CIB1: variants seen among roughly 807,000 people sequenced by gnomAD.
CIB1 encodes calcium and integrin-binding protein 1.
Under a neutral mutation model 25.0 loss-of-function variants are expected in CIB1, and 19 were observed. The ratio of observed to expected loss-of-function variants is 0.76; its 90% CI spans 0.53 to 1.12. The LOEUF is 1.12. Among genes scored for constraint, CIB1 ranks in the 50% most tolerant of loss-of-function variants. The pLI is 0.00. For missense variants in CIB1, 236 were observed against 242.6 expected (o/e 0.97, Z 0.18); for synonymous variants, 104 against 98.5 (o/e 1.06, Z -0.33).
Position 90,232,136 on chromosome 15 carries a change from C to G in CIB1, c.195+83G>C. On this transcript the variant is annotated intron_variant, in intron 3 of 6. Transcript: ENST00000328649. The stretch of plus-strand genomic sequence containing the variant: ...AGTGGGGACCAGTGACCCCATGATC[C>G]CAAAGCTAGTGGCAGATGGAGTTAG... 3 of 1,123,876 alleles carry G rather than the reference C, an allele frequency of 2.7e-6. No individual in the cohort carries two copies. In the South Asian group the frequency reaches 4.5e-5, roughly 17 times the overall value. The allele number at this position is 1,123,876 out of a possible 1,614,324, so 69.6% of individuals were successfully genotyped here.
At chr15:90,257,436 G>T in the CIB1 span, among the ~76,000 whole-genome samples, 24 of 152,180 alleles carry the variant, frequency 1.6e-4, no homozygotes, top group African/African-American at 5.8e-4. Flanking sequence ...TGTTTGGTAG[G>T]TGGTGAAGGA....
At chr15:90,249,947 T>TTTTTTTTTTTA in the CIB1 span, 1 of 147,664 alleles carries the variant, frequency 6.8e-6, no homozygotes, top group Admixed American at 6.8e-5. Context: ...CTGTATTTTA[T>TTTTTTTTTTTA]TTTATTTATT....
chr15:90,232,528 A>G, intron 2 of CIB1: 1 of 683,398 alleles, frequency 1.5e-6, no homozygotes, highest in Non-Finnish European at 2.2e-6. Context: ...TGCAATGAGT[A>G]TTTACTGAGC....
At chr15:90,239,664 C>T in the CIB1 span, among the ~76,000 whole-genome samples, 2 of 152,142 alleles carry the variant, frequency 1.3e-5, no homozygotes, top group African/African-American at 4.8e-5. Flanking sequence ...TTATAGGAAC[C>T]ACAAGATGAA....
At chr15:90,242,130 C>G in the CIB1 span, 1 of 1,336,818 alleles carries the variant, frequency 7.5e-7, no homozygotes. Context: ...ACTCTGTCCC[C>G]AGGCTAGAGT....
At chr15:90,256,581 CTTTCTTTCTTTCTTTCTTTCTTTCT>C in the CIB1 span, among the ~76,000 whole-genome samples, 1,104 of 35,672 alleles carry the variant, frequency 0.031, 25 homozygotes, top group South Asian at 0.098. Context: ...TTCTTTCTTT[CTTTCTTTCTTTCTTTCTTTCTTTCT>C]TTCCTTCCTT....
the CIB1 span, chr15:90,263,290 G>A: frequency 1.4e-6 from 1 of 708,504 alleles, no homozygotes; most frequent in Non-Finnish European, 2.3e-6. Context: ...CTGGACCTTG[G>A]GAGAGGGTCT....
chr15:90,230,538 G>C (rs1331485193), intron 6 of CIB1, 33 bp from the exon 7 acceptor site: 1 of 1,551,294 alleles, frequency 6.4e-7, no homozygotes, highest in Non-Finnish European at 8.7e-7. Context: ...GTTTTCTGCT[G>C]GAAGAGGAGG....
At chr15:90,240,807 C>T in the CIB1 span, 1 of 783,560 alleles carries the variant, frequency 1.3e-6, no homozygotes. Context: ...GAGTGAGACT[C>T]CATCTCAAAA....
the CIB1 span, chr15:90,253,344 G>T: frequency 1.2e-6 from 2 of 1,613,202 alleles, no homozygotes; most frequent in East Asian, 4.5e-5. Flanking sequence ...ACTGGAACGA[G>T]TCATGGACAT....
Position 90,230,981 on chromosome 15 carries a change from G to T in CIB1, c.507C>A (p.Asn169Lys), listed in dbSNP as rs1962466963. 3.7e-6 allele frequency: 6 copies of T among 1,614,026 alleles called. No individual in the cohort carries two copies. Among genetic ancestry groups the T allele is most frequent in the Non-Finnish European group, 5.1e-6 (6 of 1,180,022 alleles). ...ESDIDRDGTI[N>K]LSEFQHVISR... is the part of the protein sequence containing the mutation. The stretch of plus-strand genomic sequence containing the variant: ...AGATGACGTGCTGGAACTCAGAGAG[G>T]TTGATGGTTCCATCCCTGTCAATGT... The change falls in exon 6 of 7, where the codon AAC becomes AAA. Residue 169 changes from asparagine to lysine, a missense_variant. Coordinates refer to ENST00000328649, the MANE Select transcript of CIB1 (RefSeq NM_006384.4).
the CIB1 span, chr15:90,263,685 A>G: frequency 4.9e-6 from 3 of 615,712 alleles, no homozygotes; most frequent in South Asian, 1.9e-5. Flanking sequence ...CCTTCTTCCA[A>G]CGCTCCATCC....
the CIB1 span, chr15:90,249,947 T>TTTTTTTTATTTATTTATTTA: frequency 1.4e-4 from 21 of 147,664 alleles, no homozygotes; most frequent in East Asian, 1.6e-3. Flanking sequence ...CTGTATTTTA[T>TTTTTTTTATTTATTTATTTA]TTTATTTATT....
At chr15:90,231,590 G>T in intron 3 of CIB1, 83 bp from the exon 4 acceptor site, 1 of 1,513,210 alleles carries the variant, frequency 6.6e-7, no homozygotes, top group Non-Finnish European at 9.0e-7. Context: ...CAGGTCACAG[G>T]ACCAGCACCA....
At chr15:90,234,389 GT>G (rs1223410248), upstream of CIB1, 1 of 153,256 alleles carries the variant, frequency 6.5e-6, no homozygotes, top group African/African-American at 2.4e-5. Context: ...GACTCGCTGA[GT>G]GGCGGGGGTC....
chr15:90,263,913 T>G, the CIB1 span: 1 of 1,389,816 alleles, frequency 7.2e-7, no homozygotes, highest in East Asian at 2.5e-5. Context: ...GCATGAATGC[T>G]GCAATCCCAC....
the CIB1 span, among the ~76,000 whole-genome samples, chr15:90,247,777 C>G: frequency 7.9e-5 from 12 of 151,316 alleles, no homozygotes; most frequent in South Asian, 2.5e-3. Flanking sequence ...CCTCTGTCGC[C>G]CAGGCTGGAG....
At chr15:90,239,305 ATGTG>A in the CIB1 span, among the ~76,000 whole-genome samples, 20,352 of 147,904 alleles carry the variant, frequency 0.14, 1,526 homozygotes, top group Non-Finnish European at 0.17. Flanking sequence ...GAGACATAAA[ATGTG>A]TGTGTGTGTG....
chr15:90,259,356 C>T, the CIB1 span, among the ~76,000 whole-genome samples: 3 of 151,802 alleles, frequency 2.0e-5, no homozygotes, highest in Non-Finnish European at 4.4e-5. Flanking sequence ...CACCACTGCA[C>T]TCCAGCCTGG....
Sources: allele counts gnomAD v4.1 joint callset (sites outside exome capture counted in the v4.1 genomes callset), GRCh38; gene constraint gnomAD v4.1.1; transcripts MANE v1.5; gene names NCBI Gene and HGNC (gene_info 2026-07-23, HGNC 2026-07-21).